SNCAIP: variants seen among roughly 807,000 people sequenced by gnomAD.
The protein encoded by SNCAIP is synphilin-1.
Under a neutral mutation model 86.7 loss-of-function variants are expected in SNCAIP, and 43 were observed. That is an observed-to-expected ratio of 0.50 (90% CI 0.39 to 0.64). SNCAIP has a LOEUF of 0.64. Among genes scored for constraint, SNCAIP ranks in the 30% least tolerant of loss-of-function variants. The pLI, the probability that SNCAIP is intolerant of heterozygous loss-of-function variation, is 0.00. For synonymous variants in SNCAIP, 417 were observed against 427.2 expected (o/e 0.98, Z 0.29); for missense variants, 981 against 1,103.1 (o/e 0.89, Z 1.57).
Position 122,384,625 on chromosome 5 carries a change from C to G in SNCAIP, c.-46-6464C>G, listed in dbSNP as rs548716786. Among the ~76,000 whole-genome samples the G allele has an allele frequency of 2.6e-3, 401 of 152,304 alleles. 2 individuals carry two copies. The highest frequency in any genetic ancestry group is 9.0e-3 in the African/African-American group (374 of 41,548). The stretch of plus-strand genomic sequence containing the variant: ...CAAGTATATGTAATAGCACCCAGTC[C>G]TAAATCTTGATACAAAGTTTTCTTC... On this transcript the variant is annotated intron_variant, in intron 1 of 10. Coordinates refer to ENST00000261368, the MANE Select transcript of SNCAIP (RefSeq NM_005460.4).
intron 5 of SNCAIP, among the ~76,000 whole-genome samples, chr5:122,429,597 C>T (rs1777991295): frequency 6.6e-6 from 1 of 151,140 alleles, no homozygotes; most frequent in Admixed American, 6.6e-5. Context: ...CTATTCCTTT[C>T]TTCTTTTAGC....
At chr5:122,351,536 C>CAAAAAAAAAA (rs541191012) in intron 1 of SNCAIP, among the ~76,000 whole-genome samples, 2,850 of 36,460 alleles carry the variant, frequency 0.078, 648 homozygotes, top group Non-Finnish European at 0.11. Context: ...GACTCTGTAT[C>CAAAAAAAAAA]AAAAAAAAAA....
chr5:122,434,326 A>T (rs184438263), intron 6 of SNCAIP, among the ~76,000 whole-genome samples: 1 of 152,202 alleles, frequency 6.6e-6, no homozygotes, highest in Non-Finnish European at 1.5e-5. Flanking sequence ...CTCTAAGTAA[A>T]TAATTGGGCA....
In SNCAIP at chr5:122,402,161, C is replaced by T. The variant is rs1242636169; in HGVS notation, c.58-1632C>T. ...CACATGGCAACCAAAACAAAAGGCC[C>T]AATTTTAATTGAATTATAGACTGTG... On this transcript the variant is annotated intron_variant, in intron 2 of 10. Transcript: ENST00000261368. Among the ~76,000 whole-genome samples the T allele has an allele frequency of 2.0e-5, 3 of 151,882 alleles. No homozygotes were observed. The East Asian group carries it at 5.8e-4, about 29-fold the overall frequency.
At chr5:122,386,907 A>G (rs1768274175) in intron 1 of SNCAIP, among the ~76,000 whole-genome samples, 1 of 152,078 alleles carries the variant, frequency 6.6e-6, no homozygotes, top group South Asian at 2.1e-4. Context: ...AAGAAATGGG[A>G]TGATTTCAAT....
At chr5:122,408,226 C>T (rs762151650) in intron 3 of SNCAIP, among the ~76,000 whole-genome samples, 23 of 152,178 alleles carry the variant, frequency 1.5e-4, no homozygotes, top group Non-Finnish European at 2.9e-4. Flanking sequence ...CCTGTCAGCC[C>T]CACAGAACAG....
At chr5:122,330,557 A>G (rs959409600) in intron 1 of SNCAIP, among the ~76,000 whole-genome samples, 4 of 152,214 alleles carry the variant, frequency 2.6e-5, no homozygotes, top group Non-Finnish European at 5.9e-5. Context: ...TACAATTTGC[A>G]TACTAAAATT....
intron 1 of SNCAIP, among the ~76,000 whole-genome samples, chr5:122,357,617 C>CTT (rs1159553477): frequency 2.1e-5 from 3 of 140,182 alleles, no homozygotes; most frequent in East Asian, 2.1e-4. Context: ...GACAAGCCTT[C>CTT]TTTTTTTTTT....
intron 10 of SNCAIP, among the ~76,000 whole-genome samples, chr5:122,457,930 G>A (rs1581446905): frequency 1.3e-5 from 2 of 152,280 alleles, no homozygotes; most frequent in Admixed American, 1.3e-4. Flanking sequence ...GTTATGAGAA[G>A]CCAGAATGAT....
chr5:122,333,222 C>A (rs1199463594), intron 1 of SNCAIP, among the ~76,000 whole-genome samples: 1 of 152,144 alleles, frequency 6.6e-6, no homozygotes, highest in African/African-American at 2.4e-5. Context: ...AATGTCACTG[C>A]TTATTTATGA....
At chr5:122,429,422 A>T (rs1252383493) in intron 5 of SNCAIP, among the ~76,000 whole-genome samples, 1 of 151,390 alleles carries the variant, frequency 6.6e-6, no homozygotes, top group Admixed American at 6.6e-5. Flanking sequence ...AAATATTTTT[A>T]AAAAGTAATG....
At chr5:122,359,510 C>T (rs773413810) in intron 1 of SNCAIP, among the ~76,000 whole-genome samples, 1 of 151,758 alleles carries the variant, frequency 6.6e-6, no homozygotes, top group African/African-American at 2.4e-5. Context: ...ACTACGGGCA[C>T]GTGCCACCAC....
chr5:122,392,627 T>G lies in SNCAIP; in HGVS notation c.57+1436T>G, dbSNP rs556565063. Among the ~76,000 whole-genome samples the G allele has an allele frequency of 2.6e-5, 4 of 152,290 alleles. No homozygotes were observed. The East Asian group carries it at 5.8e-4, about 22-fold the overall frequency. ...AGTTAGGTGGTAGCTCTCCGAACTT[T>G]GATAATGATGTTGTGTTTTAAAAGC... On this transcript the variant is annotated intron_variant, in intron 2 of 10. Transcript: ENST00000261368.
chr5:122,355,575 C>T (rs922545882), intron 1 of SNCAIP, among the ~76,000 whole-genome samples: 6 of 152,192 alleles, frequency 3.9e-5, no homozygotes, highest in Non-Finnish European at 7.3e-5. Flanking sequence ...TGTCTTTGAA[C>T]ATCAGATGAG....
chr5:122,356,782 C>G (rs1287872018), intron 1 of SNCAIP, among the ~76,000 whole-genome samples: 1 of 152,308 alleles, frequency 6.6e-6, no homozygotes, highest in Admixed American at 6.5e-5. Context: ...TTGGCTCTAC[C>G]CTCATCCTGA....
In SNCAIP at chr5:122,451,370, C is replaced by T; in HGVS notation, c.2523C>T (p.Gly841=). 6.2e-7 allele frequency: 1 copy of T among 1,614,138 alleles called. No homozygotes were observed. Among genetic ancestry groups the T allele is most frequent in the Non-Finnish European group, 8.5e-7 (1 of 1,179,990 alleles). The change falls in exon 10 of 11, where the codon GGC becomes GGT. Residue 841 remains glycine, a synonymous_variant. Transcript: ENST00000261368. ...ELNGEKDKDK[G]RTLQRTSTSN... is the part of the protein sequence containing the mutation. Reference sequence around the variant, plus strand: ...ATGGAGAAAAAGACAAAGATAAGGGCAGGACTCTCCAGCGGACCTCCACAA... The same window carrying T: ...ATGGAGAAAAAGACAAAGATAAGGGTAGGACTCTCCAGCGGACCTCCACAA...
intron 1 of SNCAIP, among the ~76,000 whole-genome samples, chr5:122,331,277 G>A (rs910430210): frequency 1.3e-5 from 2 of 152,136 alleles, no homozygotes; most frequent in African/African-American, 2.4e-5. Flanking sequence ...CCTGTGTGAC[G>A]TGAAATCTCA....
intron 1 of SNCAIP, among the ~76,000 whole-genome samples, chr5:122,381,889 T>C (rs1488851893): frequency 6.6e-6 from 1 of 152,192 alleles, no homozygotes; most frequent in Non-Finnish European, 1.5e-5. Context: ...TTCTGGCTTG[T>C]AGGGTTTCTG....
intron 1 of SNCAIP, among the ~76,000 whole-genome samples, chr5:122,374,275 T>C (rs1764836383): frequency 6.6e-6 from 1 of 152,164 alleles, no homozygotes; most frequent in South Asian, 2.1e-4. Context: ...GATTTCTCAC[T>C]TTATCTTAGT....
Sources: allele counts gnomAD v4.1 joint callset (sites outside exome capture counted in the v4.1 genomes callset), GRCh38; gene constraint gnomAD v4.1.1; transcripts MANE v1.5; gene names NCBI Gene and HGNC (gene_info 2026-07-23, HGNC 2026-07-21).